IPO8: variants seen among roughly 807,000 people sequenced by gnomAD.
The protein encoded by IPO8 is importin 8.
IPO8 carries 65 observed loss-of-function variants against 141.2 expected under a neutral mutation model. The ratio of observed to expected loss-of-function variants is 0.46; its 90% CI spans 0.38 to 0.57. IPO8 has a LOEUF of 0.57. Among genes scored for constraint, IPO8 ranks in the 20% least tolerant of loss-of-function variants. The probability of loss-of-function intolerance (pLI) is 0.00; values close to 1 mark genes in which losing one functional copy is unlikely to be tolerated. For synonymous variants in IPO8, 411 were observed against 420.3 expected, an observed-to-expected ratio of 0.98 and a Z score of 0.27; for missense variants, 980 against 1,246.8, an observed-to-expected ratio of 0.79 and a Z score of 3.22.
chr12:30,636,555 A>G (rs1332975175), intron 22 of IPO8, among the ~76,000 whole-genome samples: 2 of 152,006 alleles, frequency 1.3e-5, no homozygotes, highest in Admixed American at 6.6e-5. Context: ...CCAGAAAAAG[A>G]AAAAAAAGAC....
At chr12:30,648,641 C>A (rs2052681119) in intron 20 of IPO8, among the ~76,000 whole-genome samples, 1 of 152,034 alleles carries the variant, frequency 6.6e-6, no homozygotes. Flanking sequence ...CAACATTTTT[C>A]TTAGTTATTG....
At position 30,695,596 on chromosome 12, in the gene IPO8, AC is replaced by A; in HGVS notation, c.51del (p.Lys17AsnfsTer27). On this transcript the variant is annotated frameshift_variant, in exon 1 of 25. Coordinates refer to ENST00000256079, the MANE Select transcript of IPO8 (RefSeq NM_006390.4). LOFTEE classifies it high-confidence loss of function. The surrounding 1 kb of genome is among the most constrained non-coding windows in gnomAD (Gnocchi z 4.2). Reference sequence around the variant, plus strand: ...AGCTCGTTCTCGGCTGCAATCCGCAACTTCGGGTCGATGGTGCCCTTCAGCG... The same window carrying A: ...AGCTCGTTCTCGGCTGCAATCCGCAATTCGGGTCGATGGTGCCCTTCAGCG... The part of the protein sequence containing the change: ...IQALKGTIDP[K>X]LRIAAENELN... 1 of 1,614,068 alleles carries A rather than the reference AC, an allele frequency of 6.2e-7. No homozygotes were observed. Among genetic ancestry groups the A allele is most frequent in the Non-Finnish European group, 8.5e-7 (1 of 1,179,954 alleles).
intron 19 of IPO8, 118 bp from the exon 20 acceptor site, chr12:30,649,350 G>A: frequency 1.6e-6 from 1 of 624,376 alleles, no homozygotes; most frequent in Non-Finnish European, 2.7e-6. Flanking sequence ...TGCTTGCTGT[G>A]CAAGTTTACC....
Position 30,637,174 on chromosome 12 carries a change from TCC to T in IPO8, c.2501_2502del (p.Arg834GlnfsTer45). The T allele has an allele frequency of 6.2e-7, 1 of 1,613,202 alleles. No homozygotes were observed. The highest frequency in any genetic ancestry group is 8.5e-7 in the Non-Finnish European group (1 of 1,179,674). Reference sequence around the variant, plus strand: ...ATACTCAGTCCTATTATACACATCTTCCGGTCATGATGCCTGCAAATTTTGAA... The same window carrying T: ...ATACTCAGTCCTATTATACACATCTTGGTCATGATGCCTGCAAATTTTGAA... ...DTDCFLGHHD[R>X]KMCIIGLSIL... On this transcript the variant is annotated frameshift_variant, in exon 22 of 25. Transcript: ENST00000256079. LOFTEE classifies it high-confidence loss of function.
intron 17 of IPO8, among the ~76,000 whole-genome samples, chr12:30,655,680 T>C (rs992382180): frequency 2.6e-5 from 4 of 152,200 alleles, no homozygotes; most frequent in East Asian, 1.9e-4. Flanking sequence ...ATGACAGGAT[T>C]TCCTTTTTAA....
intron 3 of IPO8, among the ~76,000 whole-genome samples, chr12:30,682,700 C>A (rs1427540032): frequency 1.3e-5 from 2 of 151,646 alleles, no homozygotes; most frequent in Non-Finnish European, 2.9e-5. Flanking sequence ...ACAAACTTGG[C>A]AAAATTAGGA....
chr12:30,640,382 T>TA (rs1339368659), intron 20 of IPO8, among the ~76,000 whole-genome samples: 2 of 148,826 alleles, frequency 1.3e-5, no homozygotes, highest in African/African-American at 2.5e-5. Flanking sequence ...ATTAAACTTT[T>TA]AAAAAAATCA....
chr12:30,663,030 A>ACT (rs33913446), intron 14 of IPO8, among the ~76,000 whole-genome samples: 55,078 of 151,922 alleles, frequency 0.36, 12,020 homozygotes, highest in African/African-American at 0.62. Flanking sequence ...TGATCAGAAC[A>ACT]CTGAACAAAT....
chr12:30,630,616 T>C lies in IPO8; in HGVS notation c.*244A>G. ...TTCAGCCTTTGGAACATATGGGTTGTCCTTTTCCGTCCAATGATTGTTTTT... is the reference window on the plus strand; with the variant it reads ...TTCAGCCTTTGGAACATATGGGTTGCCCTTTTCCGTCCAATGATTGTTTTT... On this transcript the variant is annotated 3_prime_UTR_variant, in exon 25 of 25. Transcript: ENST00000256079. The C allele has an allele frequency of 4.1e-6, 2 of 490,400 alleles. No individual in the cohort carries two copies. The highest frequency in any genetic ancestry group is 7.2e-6 in the Non-Finnish European group (2 of 278,690). The allele number at this position is 490,400 out of a possible 1,614,324, so 30.4% of individuals were successfully genotyped here.
chr12:30,687,806 C>T (rs992392894), intron 2 of IPO8, among the ~76,000 whole-genome samples: 1 of 152,132 alleles, frequency 6.6e-6, no homozygotes, highest in Non-Finnish European at 1.5e-5. Flanking sequence ...TAACAAATAA[C>T]CTCTAAACAA....
chr12:30,659,094 A>T (rs1368480441), intron 16 of IPO8, among the ~76,000 whole-genome samples: 1 of 151,818 alleles, frequency 6.6e-6, no homozygotes. Flanking sequence ...GTTAGCCAGG[A>T]TGGTCTCGAT....
chr12:30,684,354 C>A lies in IPO8; in HGVS notation c.270G>T (p.Gln90His), dbSNP rs200369508. ...FPFNIHENDRQQIRDNIVEGI... is the reference protein window; with the variant it reads ...FPFNIHENDRHQIRDNIVEGI... ...CTTCCACAATGTTATCACGTATTTG[C>A]TGGCGATCGTTTTCGTGAATGTTGA... Residue 90 changes from glutamine to histidine, a missense_variant, in exon 3 of 25, where the codon CAG becomes CAT. Transcript: ENST00000256079. The A allele has an allele frequency of 4.3e-6, 7 of 1,614,004 alleles. No homozygotes were observed. Among genetic ancestry groups the A allele is most frequent in the Non-Finnish European group, 5.9e-6 (7 of 1,180,006 alleles).
chr12:30,638,995 A>G (rs1565493510), intron 21 of IPO8, among the ~76,000 whole-genome samples: 1 of 152,210 alleles, frequency 6.6e-6, no homozygotes, highest in Non-Finnish European at 1.5e-5. Flanking sequence ...TTTGAAAACT[A>G]GGAAGAGTGC....
At chr12:30,654,296 G>A (rs2052767835) in intron 17 of IPO8, among the ~76,000 whole-genome samples, 1 of 150,380 alleles carries the variant, frequency 6.6e-6, no homozygotes, top group Admixed American at 6.6e-5. Flanking sequence ...TTGGAACACT[G>A]GTCCAGGGAA....
At chr12:30,665,678 T>G in intron 12 of IPO8, 51 bp downstream of exon 12, 2 of 1,149,724 alleles carry the variant, frequency 1.7e-6, no homozygotes, top group South Asian at 1.3e-5. Flanking sequence ...TTCTCTCATT[T>G]GCCTGTACTT....
At chr12:30,690,409 T>A (rs1219501561) in intron 2 of IPO8, 87 bp downstream of exon 2, 1 of 801,398 alleles carries the variant, frequency 1.2e-6, no homozygotes, top group African/African-American at 1.8e-5. Flanking sequence ...AATTTTTCAA[T>A]AAATTACAGA....
At chr12:30,684,978 G>A (rs1349562360) in intron 2 of IPO8, among the ~76,000 whole-genome samples, 3 of 151,860 alleles carry the variant, frequency 2.0e-5, no homozygotes, top group Non-Finnish European at 4.4e-5. Flanking sequence ...AAAATTTTTG[G>A]AAAAAAGCTC....
At chr12:30,679,032 T>C (rs2053157804) in intron 5 of IPO8, among the ~76,000 whole-genome samples, 1 of 151,950 alleles carries the variant, frequency 6.6e-6, no homozygotes, top group Admixed American at 6.6e-5. Flanking sequence ...AGAGATGGGG[T>C]TTCACCATGT....
At chr12:30,671,924 C>CA (rs549295654) in intron 8 of IPO8, among the ~76,000 whole-genome samples, 49 of 151,944 alleles carry the variant, frequency 3.2e-4, no homozygotes, top group African/African-American at 1.2e-3. Flanking sequence ...TTAACACTGA[C>CA]AAAAAATGAT....
Sources: allele counts gnomAD v4.1 joint callset (sites outside exome capture counted in the v4.1 genomes callset), GRCh38; gene constraint gnomAD v4.1.1; non-coding constraint Gnocchi (gnomAD v3.1); transcripts MANE v1.5; gene names NCBI Gene and HGNC (gene_info 2026-07-23, HGNC 2026-07-21).